Variants in MAP3K20 observed in about 807,000 individuals in gnomAD.
MAP3K20 encodes HCCS-4.
MAP3K20 carries 40 observed loss-of-function variants against 85.7 expected under a neutral mutation model. That is an observed-to-expected ratio of 0.47 (90% CI 0.36 to 0.61). MAP3K20 has a LOEUF of 0.61. MAP3K20 is among the 20% of genes least tolerant of loss of function. The pLI is 0.00. For missense variants in MAP3K20, 817 were observed against 961.7 expected (o/e 0.85, Z 1.99); for synonymous variants, 325 against 327.7 (o/e 0.99, Z 0.09).
chr2:173,135,384 A>G (rs1379859485), intron 2 of MAP3K20, among the ~76,000 whole-genome samples: 2 of 152,228 alleles, frequency 1.3e-5, no homozygotes, highest in African/African-American at 4.8e-5. Flanking sequence ...AGATTTCAAC[A>G]GATTAGAGCA....
intron 2 of MAP3K20, among the ~76,000 whole-genome samples, chr2:173,167,193 G>T (rs1261309818): frequency 2.6e-5 from 4 of 152,014 alleles, no homozygotes; most frequent in Non-Finnish European, 4.4e-5. Context: ...GGGATTACAG[G>T]CGTGAGCCAC....
rs1007246462 is a variant in MAP3K20, at chr2:173,266,931, T to C, written c.*181T>C. On this transcript the variant is annotated 3_prime_UTR_variant, in exon 20 of 20. Transcript: ENST00000375213. ...CAAACCAGGGCCAAAATTATGGATATTGGTCACCCAGTGATCATAACTAGG... is the reference window on the plus strand; with the variant it reads ...CAAACCAGGGCCAAAATTATGGATACTGGTCACCCAGTGATCATAACTAGG... 2 of 504,896 alleles carry C rather than the reference T, an allele frequency of 4.0e-6. No homozygotes were observed. The highest frequency in any genetic ancestry group is 3.3e-6 in the Non-Finnish European group (1 of 302,090). 31.3% of individuals were successfully genotyped at this position (504,896 alleles called of 1,614,324 possible).
intron 18 of MAP3K20, among the ~76,000 whole-genome samples, chr2:173,263,084 ACT>A (rs1286359984): frequency 2.6e-5 from 4 of 151,936 alleles, no homozygotes; most frequent in African/African-American, 9.7e-5. Context: ...AATCCTGGAG[ACT>A]CTTTAATTGA....
At chr2:173,083,401 T>A (rs1201377533) in intron 1 of MAP3K20, among the ~76,000 whole-genome samples, 2 of 152,082 alleles carry the variant, frequency 1.3e-5, no homozygotes, top group South Asian at 2.1e-4. Context: ...TCACCCAGGC[T>A]GGAGTGCAGT....
chr2:173,217,272 C>G (rs769242477), intron 11 of MAP3K20, 22 bp downstream of exon 11: 2 of 1,524,508 alleles, frequency 1.3e-6, no homozygotes, highest in Non-Finnish European at 1.8e-6. Flanking sequence ...CCCCCTTCGC[C>G]GTCTTTCCAC....
At chr2:173,101,861 T>A (rs3820835) in intron 2 of MAP3K20, among the ~76,000 whole-genome samples, 31,846 of 152,096 alleles carry the variant, frequency 0.21, 3,498 homozygotes, top group South Asian at 0.35. Context: ...TGTTATCAAT[T>A]TTTTTTCACT....
chr2:173,124,888 T>G (rs918694651), intron 2 of MAP3K20, among the ~76,000 whole-genome samples: 12 of 152,224 alleles, frequency 7.9e-5, no homozygotes, highest in Non-Finnish European at 2.9e-5. Context: ...TTTGGGAGTC[T>G]GAGGCAGGAG....
In MAP3K20 at chr2:173,266,535, T is replaced by C; in HGVS notation, c.2188T>C (p.Phe730Leu). The change falls in exon 20 of 20, where the codon TTC (phenylalanine) becomes CTC (leucine). Residue 730 changes from phenylalanine (F) to leucine (L), a missense_variant. Coordinates refer to ENST00000375213, the MANE Select transcript of MAP3K20 (RefSeq NM_016653.3). ...SALNPHQSPD[F>L]KRSPRDLHQP... is the part of the protein sequence containing the mutation. ...ACTCAATCCTCACCAGTCGCCTGAC[T>C]TCAAGAGAAGCCCCAGGGACCTCCA... 1 of 1,613,934 alleles carries C rather than the reference T, an allele frequency of 6.2e-7. No individual in the cohort carries two copies. The highest frequency in any genetic ancestry group is 8.5e-7 in the Non-Finnish European group (1 of 1,179,944).
chr2:173,094,963 A>T (rs1438403415), intron 2 of MAP3K20, among the ~76,000 whole-genome samples: 1 of 152,226 alleles, frequency 6.6e-6, no homozygotes, highest in East Asian at 1.9e-4. Context: ...TCTATTGATG[A>T]TTCTTGTTTG....
chr2:173,191,065 T>C lies in MAP3K20; in HGVS notation c.470T>C (p.Phe157Ser). 6.2e-7 allele frequency: 1 copy of C among 1,614,036 alleles called. No homozygotes were observed. The highest frequency in any genetic ancestry group is 8.5e-7 in the Non-Finnish European group (1 of 1,179,916). The change falls in exon 7 of 20, where the codon TTC (phenylalanine) becomes TCC (serine). Residue 157 changes from phenylalanine (F) to serine (S), a missense_variant. Phe to Ser is a radical substitution (Grantham distance 155). Coordinates refer to ENST00000375213, the MANE Select transcript of MAP3K20 (RefSeq NM_016653.3). Reference sequence around the variant, plus strand: ...ATCTGTGACTTTGGTGCCTCTCGGTTCCATAACCATACAACACACATGTCC... The same window carrying C: ...ATCTGTGACTTTGGTGCCTCTCGGTCCCATAACCATACAACACACATGTCC... ...LKICDFGASR[F>S]HNHTTHMSLV...
chr2:173,143,396 T>C (rs1479903461), intron 2 of MAP3K20, among the ~76,000 whole-genome samples: 2 of 152,206 alleles, frequency 1.3e-5, no homozygotes, highest in Non-Finnish European at 2.9e-5. Flanking sequence ...ATTACATTTG[T>C]AAATTTTAAA....
At chr2:173,232,112 GA>G (rs1416671321) in intron 12 of MAP3K20, 79 bp from the exon 13 acceptor site, 5 of 1,544,852 alleles carry the variant, frequency 3.2e-6, no homozygotes, top group Non-Finnish European at 4.5e-6. Flanking sequence ...TTGATCTATT[GA>G]AAACTCTATG....
chr2:173,150,686 C>T (rs1333466919), intron 2 of MAP3K20, among the ~76,000 whole-genome samples: 1 of 152,166 alleles, frequency 6.6e-6, no homozygotes, highest in Non-Finnish European at 1.5e-5. Flanking sequence ...CTGCTTCAGC[C>T]TCCTGGGTAG....
chr2:173,224,731 T>C, intron 11 of MAP3K20: 3 of 985,452 alleles, frequency 3.0e-6, no homozygotes, highest in Non-Finnish European at 3.6e-6. Flanking sequence ...GGTTTGAAAA[T>C]GTTAAAACAT....
chr2:173,196,137 C>T (rs1257220821), intron 7 of MAP3K20, among the ~76,000 whole-genome samples: 2 of 152,164 alleles, frequency 1.3e-5, no homozygotes, highest in South Asian at 2.1e-4. Flanking sequence ...CTCATCTGTG[C>T]GTTTGGGGGT....
chr2:173,200,719 C>A (rs1345167172), intron 8 of MAP3K20, among the ~76,000 whole-genome samples: 1 of 152,038 alleles, frequency 6.6e-6, no homozygotes, highest in Non-Finnish European at 1.5e-5. Flanking sequence ...TCCCTTGAGT[C>A]CGGGAGGTCA....
At position 173,258,786 on chromosome 2, in the gene MAP3K20, C is replaced by G. The variant is rs1307293439; in HGVS notation, c.1447C>G (p.Pro483Ala). 3.7e-6 allele frequency: 6 copies of G among 1,610,652 alleles called. No homozygotes were observed. Among genetic ancestry groups the G allele is most frequent in the Non-Finnish European group, 5.1e-6 (6 of 1,177,334 alleles). Reference sequence around the variant, plus strand: ...AGATGTGACATTCAACACTAACCTACCTGATGCGGAGATTTTAAAGATGAC... The same window carrying G: ...AGATGTGACATTCAACACTAACCTAGCTGATGCGGAGATTTTAAAGATGAC... ...IKDVTFNTNL[P>A]DAEILKMTKP... Residue 483 changes from proline (P) to alanine (A), a missense_variant, in exon 17 of 20, where the codon CCT becomes GCT. By Grantham distance (27) the Pro-to-Ala change is conservative. Transcript: ENST00000375213.
intron 2 of MAP3K20, among the ~76,000 whole-genome samples, chr2:173,121,591 G>A (rs1047998148): frequency 6.6e-6 from 1 of 152,000 alleles, no homozygotes; most frequent in Non-Finnish European, 1.5e-5. Context: ...GTTTCACCGT[G>A]TTAGCCAGGA....
At chr2:173,200,029 G>A (rs1367492158) in intron 8 of MAP3K20, among the ~76,000 whole-genome samples, 6 of 152,074 alleles carry the variant, frequency 3.9e-5, no homozygotes, top group Non-Finnish European at 8.8e-5. Flanking sequence ...AACTGATGAA[G>A]ACTACTCAAA....
Sources: gnomAD v4.1 joint callset for allele counts (sites outside exome capture counted in the v4.1 genomes callset) on GRCh38, gnomAD v4.1.1 for gene constraint, MANE v1.5 for transcripts, NCBI Gene and HGNC (gene_info 2026-07-23, HGNC 2026-07-21) for gene names.